CAMK4: variants seen among roughly 807,000 people sequenced by gnomAD.
CAMK4 encodes the protein calcium/calmodulin-dependent protein kinase type IV.
A neutral mutation model predicts 44.9 loss-of-function variants in CAMK4; 22 were observed. That is an observed-to-expected ratio of 0.49 (90% CI 0.35 to 0.70). The LOEUF (loss-of-function observed/expected upper bound fraction) is 0.70, where lower values mean the gene tolerates loss of function less well. Among genes scored for constraint, CAMK4 ranks in the 30% least tolerant of loss-of-function variants. CAMK4 has a pLI of 0.01. For synonymous variants in CAMK4, 218 were observed against 215.4 expected (o/e 1.01, Z -0.11); for missense variants, 498 against 586.8 (o/e 0.85, Z 1.56).
intron 1 of CAMK4, among the ~76,000 whole-genome samples, chr5:111,276,808 A>C (rs1281281147): frequency 1.3e-5 from 2 of 152,146 alleles, no homozygotes; most frequent in African/African-American, 2.4e-5. Context: ...AATAATTATT[A>C]AACATTAGAG....
At chr5:111,383,193 GAAC>G (rs777601282) in intron 4 of CAMK4, among the ~76,000 whole-genome samples, 36 of 152,204 alleles carry the variant, frequency 2.4e-4, no homozygotes, top group Non-Finnish European at 4.1e-4. Context: ...CCTAAATTTG[GAAC>G]AACATTCTAG....
At chr5:111,291,769 C>T (rs1276609525) in intron 1 of CAMK4, among the ~76,000 whole-genome samples, 2 of 152,300 alleles carry the variant, frequency 1.3e-5, no homozygotes, top group East Asian at 3.9e-4. Context: ...CCTTGGTCTC[C>T]TGAGGTTCTG....
At chr5:111,397,085 A>G (rs900811916) in intron 5 of CAMK4, among the ~76,000 whole-genome samples, 6 of 152,214 alleles carry the variant, frequency 3.9e-5, no homozygotes, top group Non-Finnish European at 5.9e-5. Flanking sequence ...ATTATACATA[A>G]TAAATTAATC....
chr5:111,482,911 G>C lies in CAMK4; in HGVS notation c.955G>C (p.Glu319Gln). The part of the protein sequence containing the change: ...HMDTAQKKLQ[E>Q]FNARRKLKAA... ...GGATACCGCTCAAAAGAAGCTCCAA[G>C]AATTCAATGCCCGGCGTAAGCTTAA... The change falls in exon 10 of 11, where the codon GAA (glutamate) becomes CAA (glutamine). Residue 319 changes from glutamate to glutamine, a missense_variant. This residue lies in a region of CAMK4 where 203 missense variants were observed against 298.2 expected (regional missense o/e 0.68). Transcript: ENST00000282356. The surrounding 1 kb of genome is among the most constrained non-coding windows in gnomAD (Gnocchi z 4.9). 6.2e-7 allele frequency: 1 copy of C among 1,609,754 alleles called. No individual in the cohort carries two copies. Among genetic ancestry groups the C allele is most frequent in the Non-Finnish European group, 8.5e-7 (1 of 1,178,526 alleles).
intron 2 of CAMK4, among the ~76,000 whole-genome samples, chr5:111,356,928 TGA>T (rs1750382933): frequency 1.3e-5 from 2 of 151,930 alleles, no homozygotes; most frequent in African/African-American, 4.8e-5. Context: ...AGCAGGCTGA[TGA>T]GAGAGACAGA....
chr5:111,276,858 A>G (rs1750781097), intron 1 of CAMK4, among the ~76,000 whole-genome samples: 1 of 152,192 alleles, frequency 6.6e-6, no homozygotes. Context: ...ATTTTTAAAA[A>G]TATGATCTTG....
chr5:111,445,900 A>G (rs1217704790), intron 5 of CAMK4, among the ~76,000 whole-genome samples: 2 of 152,168 alleles, frequency 1.3e-5, no homozygotes, highest in Non-Finnish European at 2.9e-5. Flanking sequence ...ACTTTTTGGG[A>G]AAAAACGTTT....
intron 5 of CAMK4, among the ~76,000 whole-genome samples, chr5:111,405,023 G>A (rs1752365291): frequency 6.6e-6 from 1 of 152,118 alleles, no homozygotes; most frequent in African/African-American, 2.4e-5. Context: ...AATAAACTGG[G>A]TGGATAGACA....
At position 111,491,089 on chromosome 5, in the gene CAMK4, A is replaced by T. The variant is rs1755811852; in HGVS notation, c.*6623A>T. 1 of 152,214 alleles carries T rather than the reference A, an allele frequency of 6.6e-6. No homozygotes were observed. The allele number at this position is 152,214 out of a possible 1,614,324, so 9.4% of individuals were successfully genotyped here. The stretch of plus-strand genomic sequence containing the variant: ...CTTTGAGATACACACATTAAAACTT[A>T]TGTGCATATTTTTTTAAAGAGTAAT... On this transcript the variant is annotated 3_prime_UTR_variant, in exon 11 of 11. Transcript: ENST00000282356.
At chr5:111,228,368 G>T (rs1289361699) in intron 1 of CAMK4, among the ~76,000 whole-genome samples, 5 of 151,742 alleles carry the variant, frequency 3.3e-5, no homozygotes, top group African/African-American at 1.2e-4. Flanking sequence ...ACATTTATGT[G>T]TCACATTTAT....
intron 1 of CAMK4, among the ~76,000 whole-genome samples, chr5:111,281,106 A>G (rs779074348): frequency 9.2e-5 from 14 of 152,190 alleles, no homozygotes; most frequent in Non-Finnish European, 1.9e-4. Context: ...TGTTTTCTAT[A>G]ACAGTATTCT....
intron 5 of CAMK4, among the ~76,000 whole-genome samples, chr5:111,436,471 T>C (rs1475400320): frequency 6.6e-6 from 1 of 152,122 alleles, no homozygotes; most frequent in Non-Finnish European, 1.5e-5. Flanking sequence ...TCCTGTTCTT[T>C]TCCCCTATGA....
chr5:111,299,245 A>T (rs532168232), intron 1 of CAMK4, among the ~76,000 whole-genome samples: 5 of 152,368 alleles, frequency 3.3e-5, no homozygotes, highest in African/African-American at 7.2e-5. Context: ...ACCATGTCAC[A>T]TGAAGTACAT....
chr5:111,265,263 A>G (rs930326011), intron 1 of CAMK4, among the ~76,000 whole-genome samples: 1 of 152,202 alleles, frequency 6.6e-6, no homozygotes, highest in African/African-American at 2.4e-5. Flanking sequence ...ATTTATTGAT[A>G]TCCTACTATC....
intron 5 of CAMK4, among the ~76,000 whole-genome samples, chr5:111,440,496 G>A (rs1753786127): frequency 6.6e-6 from 1 of 151,988 alleles, no homozygotes; most frequent in African/African-American, 2.4e-5. Context: ...AACACATACA[G>A]AGAAAATTCA....
chr5:111,438,516 C>G (rs1284011096), intron 5 of CAMK4, among the ~76,000 whole-genome samples: 1 of 151,894 alleles, frequency 6.6e-6, no homozygotes, highest in Non-Finnish European at 1.5e-5. Context: ...AAAAAATTAT[C>G]CAAGTAATCC....
In CAMK4 at chr5:111,376,854, C is replaced by T. The variant is rs769263795; in HGVS notation, c.304-6C>T. ...GTGATATTCTTTTTTTTATATCTTT[C>T]CCTAGATAAAACTTAAAGAGATATT... is the stretch of plus-strand genomic sequence containing the variant. On this transcript the variant is annotated splice_region_variant and splice_polypyrimidine_tract_variant and intron_variant, in intron 3 of 10. Coordinates refer to ENST00000282356, the MANE Select transcript of CAMK4 (RefSeq NM_001744.6). 19 of 1,512,902 alleles carry T rather than the reference C, an allele frequency of 1.3e-5. No individual in the cohort carries two copies. In the South Asian group the frequency reaches 1.5e-4, roughly 12 times the overall value. 93.7% of individuals were successfully genotyped at this position (1,512,902 alleles called of 1,614,324 possible).
intron 5 of CAMK4, among the ~76,000 whole-genome samples, chr5:111,414,141 C>T (rs754794492): frequency 7.9e-5 from 12 of 152,132 alleles, no homozygotes; most frequent in Non-Finnish European, 1.3e-4. Context: ...ACTAAGTATT[C>T]AGGACCAGGG....
chr5:111,233,732 C>T (rs1486399444), intron 1 of CAMK4, among the ~76,000 whole-genome samples: 1 of 151,886 alleles, frequency 6.6e-6, no homozygotes, highest in African/African-American at 2.4e-5. Flanking sequence ...TTGAATAATC[C>T]TTCTATATGC....
Sources: allele counts gnomAD v4.1 joint callset (sites outside exome capture counted in the v4.1 genomes callset), GRCh38; gene constraint gnomAD v4.1.1; regional missense constraint gnomAD v4.1.1; non-coding constraint Gnocchi (gnomAD v3.1); transcripts MANE v1.5; gene names NCBI Gene and HGNC (gene_info 2026-07-23, HGNC 2026-07-21).